Variants in TP63 observed in about 807,000 individuals in gnomAD.
TP63 encodes the protein tumor protein p63.
Under a neutral mutation model 82.8 loss-of-function variants are expected in TP63, and 17 were observed. The ratio of observed to expected loss-of-function variants is 0.21; its 90% CI spans 0.14 to 0.31. The LOEUF is 0.31. Ranked by LOEUF, TP63 falls within the 10% of genes least tolerant of loss-of-function variation. The pLI is 1.00. For missense variants in TP63, 648 were observed against 895.3 expected, an observed-to-expected ratio of 0.72 and a Z score of 3.52; for synonymous variants, 330 against 321.7, an observed-to-expected ratio of 1.03 and a Z score of -0.28.
At chr3:189,767,299 G>A (rs6808364) in intron 3 of TP63, among the ~76,000 whole-genome samples, 151 of 152,058 alleles carry the variant, frequency 9.9e-4, no homozygotes, top group African/African-American at 3.5e-3. Context: ...AAAAAAACAT[G>A]AACAGTAATA....
chr3:189,677,226 C>A lies in TP63; in HGVS notation c.62+45649C>A, dbSNP rs992893002. On this transcript the variant is annotated intron_variant, in intron 1 of 13. Transcript: ENST00000264731. ...TGTGTGTGTGTGTGTATACATATTG[C>A]ATGTTTATATATGTACATATAATGT... Among the ~76,000 whole-genome samples the A allele has an allele frequency of 2.0e-5, 3 of 148,732 alleles. No individual in the cohort carries two copies. The Admixed American group carries it at 2.0e-4, about 10-fold the overall frequency.
intron 4 of TP63, among the ~76,000 whole-genome samples, chr3:189,838,405 C>T (rs373669653): frequency 3.5e-4 from 54 of 152,188 alleles, no homozygotes; most frequent in African/African-American, 1.3e-3. Context: ...CATTCTTTTC[C>T]GTGTTGGGGC....
the TP63 span, among the ~76,000 whole-genome samples, chr3:189,626,328 C>G: frequency 1.2e-4 from 19 of 152,154 alleles, no homozygotes; most frequent in African/African-American, 4.6e-4. Context: ...CAAACTCAGT[C>G]TCTTCAATTT....
chr3:189,894,187 A>G lies in TP63; in HGVS notation c.1747-19A>G, dbSNP rs1423153704. The G allele has an allele frequency of 1.9e-6, 3 of 1,614,030 alleles. No individual in the cohort carries two copies. The highest frequency in any genetic ancestry group is 2.2e-5 in the South Asian group (2 of 91,074). On this transcript the variant is annotated intron_variant, in intron 13 of 13. Coordinates refer to ENST00000264731, the MANE Select transcript of TP63 (RefSeq NM_003722.5). ...TCTCCCTGTTTTCATTCTCCATGAC[A>G]CCTTCCCCTGTTGCACAGGATCTGG...
At chr3:189,676,824 C>G (rs28887633) in intron 1 of TP63, among the ~76,000 whole-genome samples, 2 of 151,868 alleles carry the variant, frequency 1.3e-5, no homozygotes, top group Non-Finnish European at 2.9e-5. Flanking sequence ...TAATTCCTGA[C>G]GATCTGAGGT....
In TP63 at chr3:189,825,588, G is replaced by A. The variant is rs377602040; in HGVS notation, c.579+17062G>A. 4.6e-5 allele frequency among the ~76,000 whole-genome samples: 7 copies of A among 152,122 alleles called. No individual in the cohort carries two copies. In the South Asian group the frequency reaches 8.3e-4, roughly 18 times the overall value. On this transcript the variant is annotated intron_variant, in intron 4 of 13. Transcript: ENST00000264731. ...TAAAATAACAGAATTGGGGATGGAC[G>A]TCAATAAGAAAGAATAAGCTTAAAT...
At chr3:189,684,519 AAGGTTAAGGGC>A (rs1212590574) in intron 1 of TP63, among the ~76,000 whole-genome samples, 1 of 152,192 alleles carries the variant, frequency 6.6e-6, no homozygotes, top group Non-Finnish European at 1.5e-5. Flanking sequence ...AGTGTACCTG[AAGGTTAAGGGC>A]AGGAAGTGAG....
chr3:189,653,014 T>C (rs143905890), intron 1 of TP63, among the ~76,000 whole-genome samples: 6,308 of 148,732 alleles, frequency 0.042, 653 homozygotes, highest in Non-Finnish European at 0.055. Flanking sequence ...AACAGTGTGA[T>C]AATGGACTAA....
intron 3 of TP63, among the ~76,000 whole-genome samples, chr3:189,794,597 G>C (rs912286688): frequency 3.3e-5 from 5 of 151,972 alleles, no homozygotes; most frequent in African/African-American, 1.2e-4. Flanking sequence ...AAATGCAATT[G>C]AAATTATGAG....
chr3:189,774,769 C>T (rs1723651050), intron 3 of TP63, among the ~76,000 whole-genome samples: 1 of 152,146 alleles, frequency 6.6e-6, no homozygotes, highest in Admixed American at 6.5e-5. Flanking sequence ...CTTTTGACTC[C>T]CGGCCAAGTA....
the TP63 span, among the ~76,000 whole-genome samples, chr3:189,603,451 A>G: frequency 3.3e-5 from 5 of 151,824 alleles, no homozygotes; most frequent in Admixed American, 6.6e-5. Flanking sequence ...TACTAATTCT[A>G]CTTAGTGTTA....
intron 1 of TP63, among the ~76,000 whole-genome samples, chr3:189,674,035 G>A (rs149975958): frequency 0.035 from 5,305 of 152,106 alleles, 113 homozygotes; most frequent in Non-Finnish European, 0.054. Flanking sequence ...GATTGATAGC[G>A]TAAGTGAAGA....
In TP63 at chr3:189,889,491, C is replaced by T. The variant is rs1264523337; in HGVS notation, c.1652+7C>T. ...CAGATTGCAGCATTGTCAGGTGAGTCCACAGCATGTGCCCCTGGGGGCCTG... is the reference window on the plus strand; with the variant it reads ...CAGATTGCAGCATTGTCAGGTGAGTTCACAGCATGTGCCCCTGGGGGCCTG... On this transcript the variant is annotated splice_region_variant and intron_variant, in intron 12 of 13. Coordinates refer to ENST00000264731, the MANE Select transcript of TP63 (RefSeq NM_003722.5). 3.1e-6 allele frequency: 5 copies of T among 1,614,068 alleles called. No individual in the cohort carries two copies. The highest frequency in any genetic ancestry group is 4.2e-6 in the Non-Finnish European group (5 of 1,180,024).
intron 3 of TP63, among the ~76,000 whole-genome samples, chr3:189,751,757 C>T (rs188629164): frequency 1.7e-3 from 258 of 152,074 alleles, no homozygotes; most frequent in African/African-American, 5.6e-3. Context: ...AAATTTTCTC[C>T]CATTCTGTAG....
chr3:189,764,611 C>A (rs909128699), intron 3 of TP63, among the ~76,000 whole-genome samples: 2 of 152,128 alleles, frequency 1.3e-5, no homozygotes, highest in African/African-American at 4.8e-5. Context: ...TAATTCTAGT[C>A]TCTTTTGTCT....
At position 189,796,443 on chromosome 3, in the gene TP63, G is replaced by A. The variant is rs149914915; in HGVS notation, c.325-11829G>A. On this transcript the variant is annotated intron_variant, in intron 3 of 13. Transcript: ENST00000264731. ...GAGGGTAGGCCATGGTGGGAGGAAG[G>A]AGTGAACCAGTGACTTGATTTAAAG... 4.1e-3 allele frequency among the ~76,000 whole-genome samples: 619 copies of A among 152,066 alleles called. 1 individual carries two copies. The highest frequency in any genetic ancestry group is 9.4e-3 in the Admixed American group (144 of 15,246).
chr3:189,880,623 G>T (rs919297496), intron 10 of TP63: 1 of 985,854 alleles, frequency 1.0e-6, no homozygotes, highest in South Asian at 4.7e-5. Context: ...AGTTGTTATT[G>T]TCTGTGCATA....
At chr3:189,670,873 T>G (rs1015907539) in intron 1 of TP63, among the ~76,000 whole-genome samples, 1 of 151,992 alleles carries the variant, frequency 6.6e-6, no homozygotes, top group Non-Finnish European at 1.5e-5. Flanking sequence ...TGGTCATATA[T>G]GAAAATCAAC....
intron 1 of TP63, among the ~76,000 whole-genome samples, chr3:189,697,523 T>C (rs994263587): frequency 1.4e-4 from 22 of 151,998 alleles, no homozygotes; most frequent in Non-Finnish European, 2.1e-4. Flanking sequence ...TGTTGGATAT[T>C]CCAGATCATT....
Sources: gnomAD v4.1 joint callset for allele counts (sites outside exome capture counted in the v4.1 genomes callset) on GRCh38, gnomAD v4.1.1 for gene constraint, MANE v1.5 for transcripts, NCBI Gene and HGNC (gene_info 2026-07-23, HGNC 2026-07-21) for gene names.